The following LDHC variants were observed in gnomAD, a reference collection of about 807,000 sequenced individuals.
The protein encoded by LDHC is lactate dehydrogenase C, also known as L-lactate dehydrogenase C chain.
A neutral mutation model predicts 30.2 loss-of-function variants in LDHC; 20 were observed. The ratio of observed to expected loss-of-function variants is 0.66; its 90% CI spans 0.47 to 0.96. LDHC has a LOEUF of 0.96. LDHC is among the 40% of genes least tolerant of loss of function. The pLI is 0.00. For synonymous variants in LDHC, 139 were observed against 132.7 expected, an observed-to-expected ratio of 1.05 and a Z score of -0.32; for missense variants, 362 against 394.9, an observed-to-expected ratio of 0.92 and a Z score of 0.71.
intron 3 of LDHC, among the ~76,000 whole-genome samples, chr11:18,415,940 T>C (rs56033711): frequency 0.12 from 18,573 of 152,180 alleles, 1,160 homozygotes; most frequent in Admixed American, 0.16. Flanking sequence ...GGTGATCCAC[T>C]TGCCTCGGCC....
rs920016253 is a variant in LDHC at position 18,447,673 on chromosome 11, C to G, written c.834+1340C>G. On this transcript the variant is annotated intron_variant, in intron 7 of 7. Transcript: ENST00000541669. ...TGAATAACTAGGAGGTTAGTCCTTA[C>G]AAAGGGAAGAAGAGCTGAATTAGAT... is the stretch of plus-strand genomic sequence containing the variant. 3.9e-4 allele frequency among the ~76,000 whole-genome samples: 59 copies of G among 152,130 alleles called. 3 individuals are homozygous for G. The highest frequency in any genetic ancestry group is 3.9e-3 in the Admixed American group (59 of 15,256).
chr11:18,434,872 G>A lies in LDHC; in HGVS notation c.551G>A (p.Ser184Asn), dbSNP rs1848330415. 1.2e-6 allele frequency: 2 copies of A among 1,613,546 alleles called. No homozygotes were observed. The highest frequency in any genetic ancestry group is 1.3e-5 in the African/African-American group (1 of 75,022). Residue 184 changes from serine to asparagine, a missense_variant, in exon 5 of 8, where the codon AGC (serine) becomes AAC (asparagine). Coordinates refer to ENST00000541669, the MANE Select transcript of LDHC (RefSeq NM_017448.5). ...IGEKLGVHPT[S>N]CHGWIIGEHG... is the part of the protein sequence containing the mutation. ...GAAAAGTTGGGTGTCCACCCCACAA[G>A]CTGCCATGGTTGGATTATTGGAGAA...
intron 7 of LDHC, among the ~76,000 whole-genome samples, chr11:18,446,910 A>AGTTT (rs66517074): frequency 3.6e-4 from 55 of 152,214 alleles, no homozygotes; most frequent in South Asian, 6.2e-4. Context: ...CAGGGCAAGA[A>AGTTT]GTTTGTTTGT....
At chr11:18,430,075 G>T (rs969631226) in intron 4 of LDHC, among the ~76,000 whole-genome samples, 165 bp downstream of exon 4, 1 of 149,972 alleles carries the variant, frequency 6.7e-6, no homozygotes, top group Non-Finnish European at 1.5e-5. Flanking sequence ...TGAAACTACC[G>T]CCATGATCAA....
chr11:18,416,856 C>A (rs1051613294), intron 3 of LDHC, among the ~76,000 whole-genome samples: 4 of 151,810 alleles, frequency 2.6e-5, no homozygotes, highest in Admixed American at 6.6e-5. Flanking sequence ...CTCTCCTCTC[C>A]ATGTTGCCCA....
intron 4 of LDHC, among the ~76,000 whole-genome samples, chr11:18,430,426 C>A (rs1848245926): frequency 6.6e-6 from 1 of 151,826 alleles, no homozygotes; most frequent in Non-Finnish European, 1.5e-5. Context: ...CTCACTGTAA[C>A]CTTTGCCTCA....
At chr11:18,447,157 G>A (rs1237400051) in intron 7 of LDHC, among the ~76,000 whole-genome samples, 8 of 146,536 alleles carry the variant, frequency 5.5e-5, no homozygotes, top group African/African-American at 1.5e-4. Flanking sequence ...TTTTTGAGAC[G>A]GAGTCTCACT....
At chr11:18,440,765 C>T (rs776044758) in intron 6 of LDHC, among the ~76,000 whole-genome samples, 1 of 141,504 alleles carries the variant, frequency 7.1e-6, no homozygotes, top group African/African-American at 2.6e-5. Flanking sequence ...CATGTCTCCA[C>T]AAAAAATTTT....
intron 7 of LDHC, among the ~76,000 whole-genome samples, chr11:18,449,948 C>T (rs1434799753): frequency 1.3e-5 from 2 of 152,074 alleles, no homozygotes; most frequent in African/African-American, 4.8e-5. Context: ...ACAATGCCCT[C>T]CCTTCTCCCA....
intron 4 of LDHC, among the ~76,000 whole-genome samples, chr11:18,432,916 T>C (rs1439990154): frequency 6.6e-6 from 1 of 152,234 alleles, no homozygotes; most frequent in Non-Finnish European, 1.5e-5. Flanking sequence ...TGCAGTTCTT[T>C]ATCTTTTAAG....
intron 4 of LDHC, 53 bp from the exon 5 acceptor site, chr11:18,434,687 A>AT (rs1413021917): frequency 6.9e-6 from 8 of 1,160,608 alleles, no homozygotes; most frequent in African/African-American, 3.1e-5. Context: ...GGAAAAAAAA[A>AT]ATTTTTTTAA....
rs573207940 is a variant in LDHC, at chr11:18,421,337, G to T, written c.244+6036G>T. Among the ~76,000 whole-genome samples the T allele has an allele frequency of 1.7e-3, 257 of 152,124 alleles. 2 individuals are homozygous for T. The highest frequency in any genetic ancestry group is 1.7e-3 in the Non-Finnish European group (116 of 68,008). On this transcript the variant is annotated intron_variant, in intron 3 of 7. Transcript: ENST00000541669. Reference sequence around the variant, plus strand: ...CCCAAAGTGCTGGGATTACAGGAGTGAGCCACCATGGCTGGCCTCAAATTT... The same window carrying T: ...CCCAAAGTGCTGGGATTACAGGAGTTAGCCACCATGGCTGGCCTCAAATTT...
chr11:18,438,594 C>A lies in LDHC; in HGVS notation c.659C>A (p.Thr220Lys), dbSNP rs181881801. The A allele has an allele frequency of 2.5e-6, 4 of 1,612,688 alleles. No homozygotes were observed. The highest frequency in any genetic ancestry group is 4.5e-5 in the East Asian group (2 of 44,846). Residue 220 changes from threonine (T) to lysine (K), a missense_variant, in exon 6 of 8, where the codon ACG (threonine) becomes AAG (lysine). Transcript: ENST00000541669. ...AAGACTCTGGACCCTAAATTAGGAA[C>A]GGATTCAGATAAGGAACACTGGAAA... ...ALKTLDPKLG[T>K]DSDKEHWKNI...
chr11:18,445,813 A>G (rs1404893747), intron 6 of LDHC, among the ~76,000 whole-genome samples: 1 of 152,074 alleles, frequency 6.6e-6, no homozygotes, highest in Admixed American at 6.6e-5. Context: ...TCTACAAAGA[A>G]CACAAAAATT....
In LDHC at chr11:18,451,637, T is replaced by C. The variant is rs997148285; in HGVS notation, c.*510T>C. The C allele has an allele frequency of 5.3e-5, 8 of 152,124 alleles. No homozygotes were observed. The highest frequency in any genetic ancestry group is 1.9e-4 in the African/African-American group (8 of 41,394). 9.4% of individuals were successfully genotyped at this position (152,124 alleles called of 1,614,324 possible). ...AAAAAATCATTATAAATGCTTATTT[T>C]TAAGACCATATATATCAAAAAGAAA... On this transcript the variant is annotated 3_prime_UTR_variant, in exon 8 of 8. Coordinates refer to ENST00000541669, the MANE Select transcript of LDHC (RefSeq NM_017448.5).
At chr11:18,415,357 T>G in intron 3 of LDHC, 56 bp downstream of exon 3, 1 of 889,132 alleles carries the variant, frequency 1.1e-6, no homozygotes. Flanking sequence ...GTAATAAATT[T>G]TACCAAACAG....
chr11:18,412,990 CCTTCCTT>C (rs2134041894), intron 2 of LDHC, 147 bp downstream of exon 2: 10 of 292,798 alleles, frequency 3.4e-5, no homozygotes, highest in East Asian at 1.3e-4. Context: ...TCCCTCCCTT[CCTTCCTT>C]CCTTCCTTCC....
At chr11:18,425,857 C>T (rs1848151677) in intron 3 of LDHC, among the ~76,000 whole-genome samples, 1 of 151,752 alleles carries the variant, frequency 6.6e-6, no homozygotes, top group African/African-American at 2.4e-5. Flanking sequence ...AGGAGAATGG[C>T]ATGAACCCAG....
At position 18,445,388 on chromosome 11, in the gene LDHC, TGTGTTGGCCA is replaced by T. The variant is rs1280567258; in HGVS notation, c.711-810_711-801del. On this transcript the variant is annotated intron_variant, in intron 6 of 7. Coordinates refer to ENST00000541669, the MANE Select transcript of LDHC (RefSeq NM_017448.5). ...ATTTTTAGTAGAGATGGGGTTTCGC[TGTGTTGGCCA>T]GTGTTGGCCAGGCTGGTCTCGAACT... is the stretch of plus-strand genomic sequence containing the variant. Among the ~76,000 whole-genome samples, 7 of 152,112 alleles carry T rather than the reference TGTGTTGGCCA, an allele frequency of 4.6e-5. No individual in the cohort carries two copies. The East Asian group carries it at 1.2e-3, about 25-fold the overall frequency.
Sources: allele counts gnomAD v4.1 joint callset (sites outside exome capture counted in the v4.1 genomes callset), GRCh38; gene constraint gnomAD v4.1.1; transcripts MANE v1.5; gene names NCBI Gene and HGNC (gene_info 2026-07-23, HGNC 2026-07-21).